ECE1: variants seen among roughly 807,000 people sequenced by gnomAD.
ECE1 encodes the protein endothelin-converting enzyme 1.
A neutral mutation model predicts 98.6 loss-of-function variants in ECE1; 35 were observed. The observed-to-expected ratio is 0.35, with a 90% CI of 0.27 to 0.47. The LOEUF is 0.47. Ranked by LOEUF, ECE1 falls within the 20% of genes least tolerant of loss-of-function variation. The pLI, the probability that ECE1 is intolerant of heterozygous loss-of-function variation, is 1.00. For missense variants in ECE1, 814 were observed against 1,025.3 expected (o/e 0.79, Z 2.81); for synonymous variants, 394 against 407.1 (o/e 0.97, Z 0.39).
chr1:21,345,366 CAG>C lies in ECE1; in HGVS notation c.3+8_3+9del. On this transcript the variant is annotated splice_region_variant and intron_variant, in intron 1 of 18. Transcript: ENST00000415912. This position sits in a 1 kb window ranked among gnomAD's most constrained non-coding sequence, Gnocchi z 5.1. ...CTGGACCGGACCAGACCTCCGCGCG[CAG>C]CACTCACCATAGCTCGCGTGCTCCG... 7.4e-7 allele frequency: 1 copy of C among 1,355,072 alleles called. No individual in the cohort carries two copies. The highest frequency in any genetic ancestry group is 9.6e-7 in the Non-Finnish European group (1 of 1,044,588). 83.9% of individuals were successfully genotyped at this position (1,355,072 alleles called of 1,614,324 possible). A position where few individuals can be genotyped will look rare whatever the true frequency, so the allele number is the denominator to read the frequency against.
chr1:21,257,667 A>G, intron 6 of ECE1, 77 bp from the exon 7 acceptor site: 1 of 1,505,148 alleles, frequency 6.6e-7, no homozygotes, highest in Non-Finnish European at 9.2e-7. Flanking sequence ...TGCCCTGGGA[A>G]TGGCTGGCAC....
intron 9 of ECE1, among the ~76,000 whole-genome samples, 157 bp from the exon 10 acceptor site, chr1:21,245,260 G>A (rs1262241164): frequency 6.6e-6 from 1 of 152,182 alleles, no homozygotes; most frequent in African/African-American, 2.4e-5. Flanking sequence ...CCCTAAGCAC[G>A]TGCAATGTAA....
At chr1:21,274,657 G>A (rs951016396) in intron 3 of ECE1, among the ~76,000 whole-genome samples, 2 of 152,170 alleles carry the variant, frequency 1.3e-5, no homozygotes, top group African/African-American at 4.8e-5. Flanking sequence ...TAAGGCCAGT[G>A]GGCAGAGGTT....
At position 21,220,668 on chromosome 1, in the gene ECE1, G is replaced by A. The variant is rs914338797; in HGVS notation, c.2137-537C>T. Among the ~76,000 whole-genome samples the A allele has an allele frequency of 1.3e-5, 2 of 152,086 alleles. No individual in the cohort carries two copies. Among genetic ancestry groups the A allele is most frequent in the African/African-American group, 2.4e-5 (1 of 41,416 alleles). ...AAAAATTAGATGGGCGTGGTGGTGC[G>A]TGCCTATATCCCAGCTACATGAGAG... is the stretch of plus-strand genomic sequence containing the variant. On this transcript the variant is annotated intron_variant, in intron 18 of 18. Transcript: ENST00000374893. This position sits in a 1 kb window ranked among gnomAD's most constrained non-coding sequence, Gnocchi z 5.0.
chr1:21,312,382 T>C (rs1046725135), intron 1 of ECE1, among the ~76,000 whole-genome samples: 7 of 151,974 alleles, frequency 4.6e-5, no homozygotes, highest in Non-Finnish European at 8.8e-5. Flanking sequence ...GAGGCTGCAG[T>C]GAGCTGTGAT....
intron 1 of ECE1, among the ~76,000 whole-genome samples, chr1:21,309,848 G>C (rs1400196041): frequency 1.4e-5 from 2 of 145,640 alleles, no homozygotes; most frequent in Non-Finnish European, 3.0e-5. Context: ...CTAGAGTGTA[G>C]TGGCGCGATC....
chr1:21,304,035 G>T (rs1285887650), intron 1 of ECE1, among the ~76,000 whole-genome samples: 85 of 150,984 alleles, frequency 5.6e-4, no homozygotes, highest in Admixed American at 5.5e-3. Context: ...AAAAAAAAGG[G>T]CCGGGCGCAG....
At chr1:21,275,255 C>T (rs112520877) in intron 3 of ECE1, among the ~76,000 whole-genome samples, 2,284 of 152,136 alleles carry the variant, frequency 0.015, 47 homozygotes, top group African/African-American at 0.041. Flanking sequence ...GCTGTTATCA[C>T]ACAGGGACTT....
chr1:21,238,027 C>T, intron 11 of ECE1, 107 bp downstream of exon 11: 2 of 1,017,106 alleles, frequency 2.0e-6, no homozygotes, highest in Non-Finnish European at 3.1e-6. Flanking sequence ...AGGTCCCCTG[C>T]CCAGGAGCAG....
upstream of ECE1, among the ~76,000 whole-genome samples, chr1:21,292,440 A>C (rs1364426611): frequency 6.6e-6 from 1 of 152,176 alleles, no homozygotes; most frequent in Non-Finnish European, 1.5e-5. Flanking sequence ...CTCCAACTTC[A>C]GATCTCAGCC....
At chr1:21,343,555 C>T (rs971303890) in intron 1 of ECE1, among the ~76,000 whole-genome samples, 1 of 152,240 alleles carries the variant, frequency 6.6e-6, no homozygotes, top group African/African-American at 2.4e-5. Context: ...CTAAGCAGTA[C>T]TGAAGCAAAG....
chr1:21,247,112 C>T, intron 9 of ECE1, 109 bp downstream of exon 9: 2 of 1,522,660 alleles, frequency 1.3e-6, no homozygotes, highest in Non-Finnish European at 1.8e-6. Flanking sequence ...TAAAAGCCCG[C>T]CCAGGTCCCA....
intron 2 of ECE1, among the ~76,000 whole-genome samples, chr1:21,289,537 G>T (rs749912614): frequency 1.2e-4 from 18 of 152,178 alleles, no homozygotes; most frequent in Admixed American, 6.5e-4. Flanking sequence ...AGGGGGCAGA[G>T]AACAGGTTTC....
rs1237405631 is a variant in ECE1, at chr1:21,218,161, G to A, written c.*1794C>T. 1.3e-5 allele frequency: 2 copies of A among 152,444 alleles called. No individual in the cohort carries two copies. Among genetic ancestry groups the A allele is most frequent in the East Asian group, 3.9e-4 (2 of 5,182 alleles). 9.4% of individuals were successfully genotyped at this position (152,444 alleles called of 1,614,324 possible). A position where few individuals can be genotyped will look rare whatever the true frequency, so the allele number is the denominator to read the frequency against. On this transcript the variant is annotated 3_prime_UTR_variant, in exon 19 of 19. Coordinates refer to ENST00000374893, the MANE Select transcript of ECE1 (RefSeq NM_001397.3). The surrounding 1 kb of genome is among the most constrained non-coding windows in gnomAD (Gnocchi z 4.0). ...ACAGACACCACAGGCCAGACTGGGT[G>A]GAGGAATCTTCCCCTCACAATGTCC...
intron 5 of ECE1, among the ~76,000 whole-genome samples, chr1:21,259,052 C>A (rs1398780236): frequency 6.6e-6 from 1 of 152,142 alleles, no homozygotes; most frequent in African/African-American, 2.4e-5. Context: ...CCTAGACAAG[C>A]CAAGCAGCCA....
chr1:21,251,006 CAA>C (rs34736003), intron 8 of ECE1, among the ~76,000 whole-genome samples: 77 of 144,642 alleles, frequency 5.3e-4, no homozygotes, highest in South Asian at 3.1e-3. Flanking sequence ...GACTCAGTCT[CAA>C]AAAAAAAAAG....
intron 1 of ECE1, among the ~76,000 whole-genome samples, chr1:21,331,671 G>C (rs961082955): frequency 2.6e-5 from 4 of 151,996 alleles, no homozygotes; most frequent in African/African-American, 7.2e-5. Flanking sequence ...TACTGACTGA[G>C]AGGAGAGATA....
At chr1:21,274,656 T>C (rs994727755) in intron 3 of ECE1, among the ~76,000 whole-genome samples, 4 of 152,172 alleles carry the variant, frequency 2.6e-5, no homozygotes, top group African/African-American at 9.7e-5. Flanking sequence ...ATAAGGCCAG[T>C]GGGCAGAGGT....
chr1:21,288,997 G>A (rs990864587), intron 2 of ECE1, among the ~76,000 whole-genome samples: 3 of 152,200 alleles, frequency 2.0e-5, no homozygotes, highest in Non-Finnish European at 4.4e-5. Context: ...TGACCCTGGA[G>A]GAGGAACTCC....
Sources: gnomAD v4.1 joint callset for allele counts (sites outside exome capture counted in the v4.1 genomes callset) on GRCh38, gnomAD v4.1.1 for gene constraint, Gnocchi (gnomAD v3.1) non-coding constraint, MANE v1.5 for transcripts, NCBI Gene and HGNC (gene_info 2026-07-23, HGNC 2026-07-21) for gene names.